The following CYP20A1 variants were observed in gnomAD, a reference collection of about 807,000 sequenced individuals.
The protein encoded by CYP20A1 is cytochrome P450 family 20 subfamily A member 1.
In CYP20A1, 61 loss-of-function variants were observed where a neutral mutation model predicts 61.4. The ratio of observed to expected loss-of-function variants is 0.99; its 90% CI spans 0.81 to 1.23. The LOEUF is 1.23. Ranked by LOEUF, CYP20A1 falls within the 50% of genes most tolerant of loss-of-function variation. CYP20A1 has a pLI of 0.00. For synonymous variants in CYP20A1, 193 were observed against 188.2 expected (o/e 1.03, Z -0.21); for missense variants, 530 against 542.4 (o/e 0.98, Z 0.23).
At chr2:203,295,721 G>A (rs578200482) in intron 11 of CYP20A1, among the ~76,000 whole-genome samples, 3 of 152,258 alleles carry the variant, frequency 2.0e-5, no homozygotes, top group South Asian at 2.1e-4. Context: ...GCCAAGGCAG[G>A]TGGATCACGA....
At chr2:203,256,080 C>T (rs529582817) in intron 4 of CYP20A1, among the ~76,000 whole-genome samples, 1 of 152,192 alleles carries the variant, frequency 6.6e-6, no homozygotes, top group Non-Finnish European at 1.5e-5. Flanking sequence ...CCTCCCACCC[C>T]AGCCGCCTGA....
chr2:203,244,082 T>G (rs2066361207), intron 1 of CYP20A1, among the ~76,000 whole-genome samples: 1 of 152,010 alleles, frequency 6.6e-6, no homozygotes, highest in South Asian at 2.1e-4. Context: ...CCACGTTACC[T>G]CCTATTACTG....
intron 5 of CYP20A1, among the ~76,000 whole-genome samples, chr2:203,270,734 TTC>T (rs1357658725): frequency 4.0e-5 from 6 of 148,576 alleles, no homozygotes; most frequent in African/African-American, 1.5e-4. Context: ...ACTTTTTTTT[TTC>T]TTTTTTTTTT....
chr2:203,272,032 G>C (rs137947050), intron 5 of CYP20A1, among the ~76,000 whole-genome samples: 11 of 152,204 alleles, frequency 7.2e-5, no homozygotes, highest in Non-Finnish European at 4.4e-5. Flanking sequence ...GTCTCGGCGT[G>C]GGGGAAGAAA....
chr2:203,301,802 C>T lies in CYP20A1; in HGVS notation c.*4894C>T, dbSNP rs539925303. 2.6e-5 allele frequency among the ~76,000 whole-genome samples: 4 copies of T among 151,212 alleles called. No individual in the cohort carries two copies. The East Asian group carries it at 5.8e-4, about 22-fold the overall frequency. ...TAGTTTGTATAAAAAGTCTTTACTG[C>T]TTTATTATGAAATAATAATGTTTAT... On this transcript the variant is annotated 3_prime_UTR_variant, in exon 13 of 13. Coordinates refer to ENST00000356079, the MANE Select transcript of CYP20A1 (RefSeq NM_177538.3).
chr2:203,272,638 G>C (rs1349204167), intron 5 of CYP20A1, 32 bp from the exon 6 acceptor site: 2 of 1,370,608 alleles, frequency 1.5e-6, no homozygotes, highest in African/African-American at 3.0e-5. Flanking sequence ...CTACCTATTA[G>C]ATAATAGTTA....
At chr2:203,284,541 A>G (rs1259085759) in intron 8 of CYP20A1, among the ~76,000 whole-genome samples, 4 of 151,950 alleles carry the variant, frequency 2.6e-5, no homozygotes, top group Non-Finnish European at 5.9e-5. Flanking sequence ...TCCTCAGTGA[A>G]TACAATCCAT....
At position 203,290,216 on chromosome 2, in the gene CYP20A1, C is replaced by T. The variant is rs572491332; in HGVS notation, c.1083+340C>T. 4.3e-4 allele frequency among the ~76,000 whole-genome samples: 65 copies of T among 152,258 alleles called. 1 individual carries two copies. The South Asian group carries it at 7.2e-3, about 17-fold the overall frequency. On this transcript the variant is annotated intron_variant, in intron 10 of 12. Transcript: ENST00000356079. The stretch of plus-strand genomic sequence containing the variant: ...TTGGCCTCCCAAAGTGCTGGGATTA[C>T]ACACATGAGCCACTGCACCCAGCCT...
In CYP20A1 at chr2:203,239,050, G is replaced by C. The variant is rs754135668; in HGVS notation, c.-13G>C. 1.5e-5 allele frequency: 25 copies of C among 1,613,110 alleles called. No homozygotes were observed. The South Asian group carries it at 2.6e-4, about 17-fold the overall frequency. The stretch of plus-strand genomic sequence containing the variant: ...CGGCCGATCCGAGACGTGGCTCCCT[G>C]GGCGGCAGAACCATGTTGGACTTCG... On this transcript the variant is annotated 5_prime_UTR_variant, in exon 1 of 13. Transcript: ENST00000356079.
intron 1 of CYP20A1, among the ~76,000 whole-genome samples, chr2:203,240,757 C>T (rs1439294321): frequency 6.6e-6 from 1 of 151,950 alleles, no homozygotes; most frequent in African/African-American, 2.4e-5. Context: ...GAGGAAGATA[C>T]CAGAGGAGAG....
chr2:203,271,062 ATATATATATATATATATATATT>A (rs2067558091), intron 5 of CYP20A1, among the ~76,000 whole-genome samples: 1 of 58,636 alleles, frequency 1.7e-5, no homozygotes, highest in African/African-American at 6.7e-5. Flanking sequence ...GTGTATATAT[ATATATATATATATATATATATT>A]TTTTTTTTTT....
Position 203,272,698 on chromosome 2 carries a change from T to C in CYP20A1, c.629T>C (p.Leu210Pro), listed in dbSNP as rs150591865. ...TVWSEIGKGF[L>P]DGSLDKNMTR... Reference sequence around the variant, plus strand: ...TGGTCTGAGATTGGAAAAGGCTTTCTAGATGGGTCACTTGATAAAAACATG... The same window carrying C: ...TGGTCTGAGATTGGAAAAGGCTTTCCAGATGGGTCACTTGATAAAAACATG... Residue 210 changes from leucine (L) to proline (P), a missense_variant, in exon 6 of 13, where the codon CTA becomes CCA. By Grantham distance (98) the Leu-to-Pro change is moderately conservative (BLOSUM62 -3). Transcript: ENST00000356079. The C allele has an allele frequency of 3.7e-6, 6 of 1,608,348 alleles. No individual in the cohort carries two copies. The highest frequency in any genetic ancestry group is 5.1e-6 in the Non-Finnish European group (6 of 1,178,210).
At chr2:203,252,444 G>T (rs62183880) in intron 4 of CYP20A1, among the ~76,000 whole-genome samples, 65,370 of 151,670 alleles carry the variant, frequency 0.43, 16,420 homozygotes, top group Middle Eastern at 0.67. Context: ...ACCCAGGCTG[G>T]AGTACAGTGG....
In CYP20A1 at chr2:203,303,971, G is replaced by C. The variant is rs1237256128; in HGVS notation, c.*7063G>C. On this transcript the variant is annotated 3_prime_UTR_variant, in exon 13 of 13. Transcript: ENST00000356079. ...GCCGTGGCTCACACCTGTAATCCCAGCACTTTGGGAGTCCAAAGTGGGCGT... is the reference window on the plus strand; with the variant it reads ...GCCGTGGCTCACACCTGTAATCCCACCACTTTGGGAGTCCAAAGTGGGCGT... 2.0e-5 allele frequency among the ~76,000 whole-genome samples: 3 copies of C among 151,802 alleles called. No homozygotes were observed. Among genetic ancestry groups the C allele is most frequent in the Non-Finnish European group, 2.9e-5 (2 of 67,992 alleles).
At chr2:203,264,062 G>C (rs1232254975) in intron 4 of CYP20A1, among the ~76,000 whole-genome samples, 1 of 152,032 alleles carries the variant, frequency 6.6e-6, no homozygotes, top group Non-Finnish European at 1.5e-5. Flanking sequence ...GAATGCAGTG[G>C]TGTGATCATG....
intron 8 of CYP20A1, among the ~76,000 whole-genome samples, chr2:203,284,314 A>G (rs2068173708): frequency 6.6e-6 from 1 of 152,212 alleles, no homozygotes; most frequent in African/African-American, 2.4e-5. Context: ...CACAGGAACA[A>G]TAGAGCTACA....
intron 8 of CYP20A1, among the ~76,000 whole-genome samples, chr2:203,285,355 T>C (rs2068221421): frequency 6.6e-6 from 1 of 152,162 alleles, no homozygotes; most frequent in African/African-American, 2.4e-5. Flanking sequence ...GTGGCTCCAG[T>C]TACTTACCAG....
chr2:203,285,250 G>C (rs1023545470), intron 8 of CYP20A1, among the ~76,000 whole-genome samples: 2 of 152,108 alleles, frequency 1.3e-5, no homozygotes, highest in South Asian at 4.1e-4. Context: ...AAGGTTGAGT[G>C]CATGAGATAA....
intron 10 of CYP20A1, among the ~76,000 whole-genome samples, chr2:203,290,716 C>T (rs1224995602): frequency 6.6e-6 from 1 of 152,082 alleles, no homozygotes; most frequent in Non-Finnish European, 1.5e-5. Flanking sequence ...AATCTTGGCT[C>T]ACTGCAACCT....
Sources: allele counts gnomAD v4.1 joint callset (sites outside exome capture counted in the v4.1 genomes callset), GRCh38; gene constraint gnomAD v4.1.1; transcripts MANE v1.5; gene names NCBI Gene and HGNC (gene_info 2026-07-23, HGNC 2026-07-21).